The following CDH18 variants were observed in gnomAD, a reference collection of about 807,000 sequenced individuals.
CDH18 encodes the protein cadherin-18.
A neutral mutation model predicts 67.9 loss-of-function variants in CDH18; 31 were observed. The ratio of observed to expected loss-of-function variants is 0.46; its 90% CI spans 0.34 to 0.62. The LOEUF is 0.62. Among genes scored for constraint, CDH18 ranks in the 20% least tolerant of loss-of-function variants. The probability of loss-of-function intolerance (pLI) is 0.01; values close to 1 mark genes in which losing one functional copy is unlikely to be tolerated. For synonymous variants in CDH18, 362 were observed against 347.2 expected (o/e 1.04, Z -0.48); for missense variants, 890 against 975.5 (o/e 0.91, Z 1.17).
At chr5:20,014,433 T>C (rs2150420582) in intron 2 of CDH18, among the ~76,000 whole-genome samples, 1 of 152,176 alleles carries the variant, frequency 6.6e-6, no homozygotes, top group Middle Eastern at 3.4e-3. Flanking sequence ...AGAAAAGATG[T>C]CCTATGCTGC....
intron 2 of CDH18, among the ~76,000 whole-genome samples, chr5:20,192,979 T>A (rs1738668721): frequency 1.3e-5 from 2 of 152,158 alleles, no homozygotes; most frequent in Admixed American, 6.6e-5. Context: ...TTCCTATCCA[T>A]GAGGATGGAA....
rs548402297 is a variant in CDH18 at position 20,208,418 on chromosome 5, G to C, written c.-518+47026C>G. 3.6e-4 allele frequency among the ~76,000 whole-genome samples: 53 copies of C among 146,566 alleles called. 1 individual carries two copies. The South Asian group carries it at 9.2e-3, about 26-fold the overall frequency. ...TTATGGGGATTACAATTCAAGATGA[G>C]ATTTGTGTGGGGACACAGAGCCAAA... On this transcript the variant is annotated intron_variant, in intron 2 of 14. Coordinates refer to the CDH18 transcript ENST00000507958.
chr5:19,891,392 C>T (rs1788768979), intron 2 of CDH18, among the ~76,000 whole-genome samples: 1 of 152,098 alleles, frequency 6.6e-6, no homozygotes, highest in South Asian at 2.1e-4. Flanking sequence ...ATCCTGAATC[C>T]TTACAAAAAA....
At chr5:19,751,641 T>C (rs1393788524) in intron 3 of CDH18, among the ~76,000 whole-genome samples, 5 of 152,170 alleles carry the variant, frequency 3.3e-5, no homozygotes, top group Non-Finnish European at 4.4e-5. Flanking sequence ...TGTTAATAAG[T>C]AACTGATGTG....
At chr5:20,048,222 C>T (rs1376596445) in intron 2 of CDH18, among the ~76,000 whole-genome samples, 1 of 151,346 alleles carries the variant, frequency 6.6e-6, no homozygotes, top group Non-Finnish European at 1.5e-5. Flanking sequence ...GCCATATTTT[C>T]AGTACATTAG....
At chr5:19,974,238 T>C (rs968332478) in intron 2 of CDH18, among the ~76,000 whole-genome samples, 1 of 151,874 alleles carries the variant, frequency 6.6e-6, no homozygotes, top group Non-Finnish European at 1.5e-5. Context: ...GCAGAGTAAA[T>C]AGGCGGTGTT....
chr5:19,494,827 G>T (rs1256784599), intron 11 of CDH18, among the ~76,000 whole-genome samples: 2 of 152,088 alleles, frequency 1.3e-5, no homozygotes, highest in African/African-American at 4.8e-5. Flanking sequence ...TGACTTTTGG[G>T]ATCCATCCAT....
chr5:19,676,910 C>T (rs1365152240), intron 5 of CDH18, among the ~76,000 whole-genome samples: 1 of 152,044 alleles, frequency 6.6e-6, no homozygotes, highest in African/African-American at 2.4e-5. Flanking sequence ...TCCTTTCTTT[C>T]TTGTTCTAAA....
chr5:20,112,451 A>T (rs1317413726), intron 2 of CDH18, among the ~76,000 whole-genome samples: 1 of 152,176 alleles, frequency 6.6e-6, no homozygotes, highest in East Asian at 1.9e-4. Flanking sequence ...AGTTTTTGCC[A>T]TGTTTGATAG....
At chr5:19,970,814 AAAT>A (rs1281973033) in intron 2 of CDH18, among the ~76,000 whole-genome samples, 1 of 151,142 alleles carries the variant, frequency 6.6e-6, no homozygotes, top group East Asian at 1.9e-4. Flanking sequence ...TAAGTGTTTA[AAAT>A]AATAAAGAAG....
At chr5:20,063,306 A>G (rs1742669541) in intron 2 of CDH18, among the ~76,000 whole-genome samples, 1 of 151,748 alleles carries the variant, frequency 6.6e-6, no homozygotes, top group Admixed American at 6.6e-5. Context: ...CCACTGTACT[A>G]TACTTTTTAA....
intron 2 of CDH18, among the ~76,000 whole-genome samples, chr5:19,854,607 C>T (rs1784063634): frequency 6.6e-6 from 1 of 151,924 alleles, no homozygotes; most frequent in Non-Finnish European, 1.5e-5. Context: ...AAAAGTTCAC[C>T]TGTTAACATT....
intron 2 of CDH18, among the ~76,000 whole-genome samples, chr5:20,251,292 G>A (rs1743838962): frequency 6.6e-6 from 1 of 152,026 alleles, no homozygotes; most frequent in African/African-American, 2.4e-5. Flanking sequence ...GGGACAGGAA[G>A]GTTGATGCAA....
intron 2 of CDH18, among the ~76,000 whole-genome samples, chr5:20,060,794 G>T (rs1742404002): frequency 6.6e-6 from 1 of 151,906 alleles, no homozygotes. Flanking sequence ...CTATATAAGT[G>T]AAGGCAACCG....
intron 5 of CDH18, among the ~76,000 whole-genome samples, chr5:19,717,729 C>T (rs1442843578): frequency 6.6e-6 from 1 of 151,990 alleles, no homozygotes; most frequent in Non-Finnish European, 1.5e-5. Context: ...ACTCAGTGGC[C>T]TTCCTCAAAA....
At chr5:20,189,415 G>C (rs1298125266) in intron 2 of CDH18, among the ~76,000 whole-genome samples, 1 of 151,986 alleles carries the variant, frequency 6.6e-6, no homozygotes, top group Admixed American at 6.6e-5. Context: ...CTCTATAATG[G>C]AAGACATTCA....
At chr5:20,383,035 C>T (rs3915075) in intron 1 of CDH18, among the ~76,000 whole-genome samples, 150,560 of 152,206 alleles carry the variant, frequency 0.99, 74,494 homozygotes, top group Middle Eastern at 1. Flanking sequence ...TTACCTGCCG[C>T]TTTTGACACA....
chr5:20,049,278 G>T (rs947000468), intron 2 of CDH18, among the ~76,000 whole-genome samples: 11 of 151,330 alleles, frequency 7.3e-5, no homozygotes, highest in African/African-American at 2.4e-4. Context: ...TCTAAGAACA[G>T]TAAAAAACAA....
At chr5:20,294,313 C>G (rs1398151028) in intron 1 of CDH18, among the ~76,000 whole-genome samples, 1 of 152,140 alleles carries the variant, frequency 6.6e-6, no homozygotes, top group Non-Finnish European at 1.5e-5. Context: ...CATGATTAAG[C>G]CTCAAATGTG....
Sources: gnomAD v4.1 joint callset for allele counts (sites outside exome capture counted in the v4.1 genomes callset) on GRCh38, gnomAD v4.1.1 for gene constraint, MANE v1.5 for transcripts, NCBI Gene and HGNC (gene_info 2026-07-23, HGNC 2026-07-21) for gene names.